The following SGCD variants were observed in gnomAD, a reference collection of about 807,000 sequenced individuals.
SGCD encodes the protein delta-sarcoglycan.
SGCD carries 18 observed loss-of-function variants against 36.6 expected under a neutral mutation model. The ratio of observed to expected loss-of-function variants is 0.49; its 90% CI spans 0.34 to 0.73. The LOEUF is 0.73. Ranked by LOEUF, SGCD falls within the 30% of genes least tolerant of loss-of-function variation. The probability of loss-of-function intolerance (pLI) is 0.01; values close to 1 mark genes in which losing one functional copy is unlikely to be tolerated. For synonymous variants in SGCD, 133 were observed against 130.6 expected, an observed-to-expected ratio of 1.02 and a Z score of -0.12; for missense variants, 387 against 346.7, an observed-to-expected ratio of 1.12 and a Z score of -0.92.
At chr5:155,778,174 TC>T in the SGCD span, among the ~76,000 whole-genome samples, 1 of 152,284 alleles carries the variant, frequency 6.6e-6, no homozygotes, top group African/African-American at 2.4e-5. Context: ...AACACAGCAT[TC>T]TAGGATAATG....
chr5:156,363,011 A>G (rs1244595868), intron 3 of SGCD, among the ~76,000 whole-genome samples: 1 of 151,942 alleles, frequency 6.6e-6, no homozygotes, highest in Non-Finnish European at 1.5e-5. Flanking sequence ...ATTTCTCCAG[A>G]TGGTTTCTAA....
intron 3 of SGCD, among the ~76,000 whole-genome samples, chr5:156,223,121 G>A (rs1035481358): frequency 6.6e-6 from 1 of 152,088 alleles, no homozygotes; most frequent in Non-Finnish European, 1.5e-5. Context: ...GCAGTGGGTG[G>A]TCTTTTTCCT....
chr5:156,573,369 T>C (rs1389595889), intron 4 of SGCD, among the ~76,000 whole-genome samples: 1 of 152,186 alleles, frequency 6.6e-6, no homozygotes, highest in Non-Finnish European at 1.5e-5. Flanking sequence ...AAATATTTTG[T>C]TTGAATACCC....
rs917120909 is a variant in SGCD at position 156,737,864 on chromosome 5, T to C, written c.576-19717T>C. On this transcript the variant is annotated intron_variant, in intron 7 of 8. Coordinates refer to ENST00000337851, the MANE Select transcript of SGCD (RefSeq NM_000337.6). The stretch of plus-strand genomic sequence containing the variant: ...AACCCTCTCATTGTATACAGGAGAA[T>C]GGGTCCCCATCGCGAGTTAGTGGCT... Among the ~76,000 whole-genome samples the C allele has an allele frequency of 2.6e-5, 4 of 152,292 alleles. No individual in the cohort carries two copies. The South Asian group carries it at 6.2e-4, about 24-fold the overall frequency.
chr5:156,451,511 T>C (rs1754013409), intron 3 of SGCD, among the ~76,000 whole-genome samples: 3 of 152,118 alleles, frequency 2.0e-5, no homozygotes, highest in South Asian at 2.1e-4. Flanking sequence ...CATTAGGCAA[T>C]GATGGAGCAG....
At chr5:156,655,911 CAT>C (rs1244975965) in intron 7 of SGCD, among the ~76,000 whole-genome samples, 1 of 152,000 alleles carries the variant, frequency 6.6e-6, no homozygotes, top group Non-Finnish European at 1.5e-5. Flanking sequence ...TTCAGTTTTG[CAT>C]ATGTATTTTC....
chr5:156,303,537 G>A (rs1400516609), intron 3 of SGCD, among the ~76,000 whole-genome samples: 4 of 151,778 alleles, frequency 2.6e-5, no homozygotes, highest in Non-Finnish European at 5.9e-5. Context: ...TCCTCAAGCA[G>A]AAGGAGTCTG....
the SGCD span, among the ~76,000 whole-genome samples, chr5:155,841,034 A>AAAACGTGGGCT: frequency 1.5e-5 from 2 of 133,556 alleles, no homozygotes; most frequent in African/African-American, 5.7e-5. Flanking sequence ...AAAAAAAAAG[A>AAAACGTGGGCT]CTGGGGCACT....
chr5:155,778,570 A>G, the SGCD span, among the ~76,000 whole-genome samples: 2 of 152,290 alleles, frequency 1.3e-5, no homozygotes, highest in Admixed American at 1.3e-4. Context: ...GCCAGAGCCT[A>G]CGCATCTAAT....
At chr5:156,220,976 A>G (rs1764702897) in intron 3 of SGCD, among the ~76,000 whole-genome samples, 1 of 152,140 alleles carries the variant, frequency 6.6e-6, no homozygotes, top group Non-Finnish European at 1.5e-5. Flanking sequence ...CACAAACAGG[A>G]GCATTTTAGT....
chr5:156,298,732 A>C (rs766582924), intron 3 of SGCD, among the ~76,000 whole-genome samples: 20 of 151,656 alleles, frequency 1.3e-4, no homozygotes, highest in Non-Finnish European at 2.2e-4. Flanking sequence ...CACGTGGCCC[A>C]TTTATTAAGC....
At chr5:156,683,669 AC>A (rs1283955508) in intron 7 of SGCD, among the ~76,000 whole-genome samples, 2 of 152,176 alleles carry the variant, frequency 1.3e-5, no homozygotes, top group African/African-American at 4.8e-5. Flanking sequence ...CCTATTCAAT[AC>A]CTTGAACTTT....
intron 3 of SGCD, among the ~76,000 whole-genome samples, chr5:156,139,150 G>T (rs1762520792): frequency 6.6e-6 from 1 of 151,994 alleles, no homozygotes; most frequent in Non-Finnish European, 1.5e-5. Context: ...TTTAAATGTT[G>T]TCTTCTGAAG....
At chr5:156,411,906 A>AC (rs1580950122) in intron 3 of SGCD, among the ~76,000 whole-genome samples, 1 of 52,824 alleles carries the variant, frequency 1.9e-5, no homozygotes, top group African/African-American at 2.0e-4. Flanking sequence ...CCTGTGAGTT[A>AC]GGGTTTTTGT....
the SGCD span, among the ~76,000 whole-genome samples, chr5:155,791,162 T>C: frequency 6.6e-6 from 1 of 152,060 alleles, no homozygotes; most frequent in Admixed American, 6.6e-5. Flanking sequence ...ATTCCCTACT[T>C]TTTTCCTGGG....
At chr5:156,357,134 C>A (rs1769533105) in intron 3 of SGCD, among the ~76,000 whole-genome samples, 1 of 152,170 alleles carries the variant, frequency 6.6e-6, no homozygotes, top group Admixed American at 6.6e-5. Flanking sequence ...GTACCGCCAC[C>A]ATCAATGCTA....
intron 4 of SGCD, among the ~76,000 whole-genome samples, chr5:156,520,713 A>G (rs1203442180): frequency 6.6e-6 from 1 of 152,104 alleles, no homozygotes; most frequent in African/African-American, 2.4e-5. Context: ...AACAGAATAC[A>G]GAACTTAGAA....
At chr5:155,756,689 G>C in the SGCD span, among the ~76,000 whole-genome samples, 3 of 152,272 alleles carry the variant, frequency 2.0e-5, no homozygotes, top group South Asian at 4.1e-4. Context: ...GGCTAGAATT[G>C]ATATAAAAAC....
intron 3 of SGCD, among the ~76,000 whole-genome samples, chr5:156,403,021 G>A (rs575832147): frequency 1.1e-4 from 17 of 152,278 alleles, no homozygotes; most frequent in African/African-American, 4.1e-4. Context: ...GCAGAAGTTA[G>A]GTATTATTCC....
Sources: allele counts gnomAD v4.1 joint callset (sites outside exome capture counted in the v4.1 genomes callset), GRCh38; gene constraint gnomAD v4.1.1; transcripts MANE v1.5; gene names NCBI Gene and HGNC (gene_info 2026-07-23, HGNC 2026-07-21).